Variants in USH2A observed in about 807,000 individuals in gnomAD.
USH2A encodes Usher syndrome 2A (autosomal recessive, mild).
In USH2A, 443 loss-of-function variants were observed where a neutral mutation model predicts 538.9. The ratio of observed to expected loss-of-function variants is 0.82; its 90% confidence interval spans 0.76 to 0.89. The LOEUF is 0.89. USH2A is among the 40% of genes least tolerant of loss of function. USH2A has a pLI of 0.00. For missense variants in USH2A, 6,633 were observed against 6,324.8 expected (o/e 1.05, Z -1.65); for synonymous variants, 2,413 against 2,273.5 (o/e 1.06, Z -1.75).
chr1:216,274,009 G>A (rs887079032), intron 11 of USH2A, among the ~76,000 whole-genome samples: 6 of 151,998 alleles, frequency 3.9e-5, no homozygotes, highest in African/African-American at 1.4e-4. Context: ...ATTAAAAGTC[G>A]CTAAAGTTAA....
At chr1:215,967,624 G>A (rs1327944779) in intron 36 of USH2A, among the ~76,000 whole-genome samples, 1 of 152,064 alleles carries the variant, frequency 6.6e-6, no homozygotes, top group Non-Finnish European at 1.5e-5. Flanking sequence ...TCCTAAGGGG[G>A]TATAGGGATT....
At chr1:215,682,339 A>G (rs1658262744) in intron 61 of USH2A, among the ~76,000 whole-genome samples, 1 of 152,184 alleles carries the variant, frequency 6.6e-6, no homozygotes. Context: ...TGGGCTATAA[A>G]GCAAAAACAT....
At chr1:216,409,709 A>T (rs1369285595) in intron 3 of USH2A, among the ~76,000 whole-genome samples, 1 of 152,130 alleles carries the variant, frequency 6.6e-6, no homozygotes, top group Non-Finnish European at 1.5e-5. Context: ...CCTTCCTTAT[A>T]CCATATATAA....
At chr1:216,372,011 T>C (rs1050988752) in intron 3 of USH2A, among the ~76,000 whole-genome samples, 3 of 152,206 alleles carry the variant, frequency 2.0e-5, no homozygotes, top group African/African-American at 7.2e-5. Context: ...ATACAAACAA[T>C]ATGAATAAGT....
chr1:215,626,265 A>ATATATATACTATATATTTTAGTG, intron 71 of USH2A, among the ~76,000 whole-genome samples: 1 of 149,844 alleles, frequency 6.7e-6, no homozygotes, highest in South Asian at 2.1e-4. Flanking sequence ...TAGACACTAC[A>ATATATATACTATATATTTTAGTG]TATATATACT....
intron 21 of USH2A, among the ~76,000 whole-genome samples, chr1:216,155,588 C>G (rs1323464085): frequency 1.3e-5 from 2 of 152,134 alleles, no homozygotes; most frequent in Non-Finnish European, 2.9e-5. Context: ...TCCCTAGCCC[C>G]TCTGCCCACT....
chr1:215,736,092 A>C (rs982411037), intron 60 of USH2A, among the ~76,000 whole-genome samples: 8 of 150,834 alleles, frequency 5.3e-5, no homozygotes, highest in Admixed American at 4.6e-4. Context: ...TCTGACTACA[A>C]ATGCCACACT....
At chr1:216,111,012 G>T (rs910179555) in intron 21 of USH2A, among the ~76,000 whole-genome samples, 6 of 152,144 alleles carry the variant, frequency 3.9e-5, no homozygotes, top group Admixed American at 3.9e-4. Context: ...GATCACTTTA[G>T]GTCAGGAGTT....
intron 21 of USH2A, among the ~76,000 whole-genome samples, chr1:216,123,349 C>A (rs2033174113): frequency 6.6e-6 from 1 of 152,174 alleles, no homozygotes; most frequent in Non-Finnish European, 1.5e-5. Context: ...GAAGCATTTG[C>A]TGATCAGGCA....
In USH2A at chr1:216,111,391, G is replaced by A. The variant is rs115456099; in HGVS notation, c.4628-14178C>T. On this transcript the variant is annotated intron_variant, in intron 21 of 71. Coordinates refer to ENST00000307340, the MANE Select transcript of USH2A (RefSeq NM_206933.4). ...TATCGCTAAGTTCTCCTTCTCCTTC[G>A]GATACATTAACCAAATCCATTGATC... Among the ~76,000 whole-genome samples, 317 of 152,146 alleles carry A rather than the reference G, an allele frequency of 2.1e-3. 1 individual carries two copies. Among genetic ancestry groups the A allele is most frequent in the African/African-American group, 7.0e-3 (291 of 41,520 alleles).
intron 4 of USH2A, among the ~76,000 whole-genome samples, chr1:216,338,168 T>C (rs573666662): frequency 1.3e-5 from 2 of 151,534 alleles, no homozygotes; most frequent in Non-Finnish European, 1.5e-5. Flanking sequence ...TAAAATTCAT[T>C]TGGAGGAGTA....
In USH2A at chr1:215,806,119, A is replaced by T. The variant is rs369663158; in HGVS notation, c.9740-6994T>A. Among the ~76,000 whole-genome samples the T allele has an allele frequency of 9.2e-5, 14 of 152,106 alleles. No homozygotes were observed. In the South Asian group the frequency reaches 2.7e-3, roughly 29 times the overall value. On this transcript the variant is annotated intron_variant, in intron 49 of 71. Transcript: ENST00000307340. ...GCAATTGTAAAAATAGAAGATTGAT[A>T]CTGGTGGTAGGTATATTATCTATCA...
rs149457304 is a variant in USH2A, at chr1:216,006,092, A to G, written c.6326-5530T>C. On this transcript the variant is annotated intron_variant, in intron 32 of 71. Coordinates refer to ENST00000307340, the MANE Select transcript of USH2A (RefSeq NM_206933.4). ...ATAATCCCTTTTTGGCAACTCTAAC[A>G]TCCTCAATAATGACTCATCTCTGAA... Among the ~76,000 whole-genome samples, 414 of 152,202 alleles carry G rather than the reference A, an allele frequency of 2.7e-3. 1 individual carries two copies. Among genetic ancestry groups the G allele is most frequent in the African/African-American group, 9.2e-3 (381 of 41,508 alleles).
chr1:215,951,268 G>T (rs1402479242), intron 37 of USH2A, among the ~76,000 whole-genome samples: 1 of 152,080 alleles, frequency 6.6e-6, no homozygotes, highest in East Asian at 1.9e-4. Flanking sequence ...TGTTCTCATT[G>T]GTTTCAAAGA....
intron 14 of USH2A, among the ~76,000 whole-genome samples, chr1:216,224,803 G>A (rs1021107912): frequency 2.6e-5 from 4 of 152,114 alleles, no homozygotes; most frequent in African/African-American, 9.7e-5. Context: ...ATAAGGAAGT[G>A]AGGTTATTTT....
At chr1:216,137,156 C>T (rs1007750262) in intron 21 of USH2A, among the ~76,000 whole-genome samples, 1 of 152,146 alleles carries the variant, frequency 6.6e-6, no homozygotes, top group Admixed American at 6.5e-5. Context: ...ATTGCTGACC[C>T]AATTCTTAGA....
intron 21 of USH2A, among the ~76,000 whole-genome samples, chr1:216,170,642 G>A (rs773936513): frequency 3.9e-5 from 6 of 152,044 alleles, no homozygotes; most frequent in Non-Finnish European, 8.8e-5. Flanking sequence ...TCATGGACCT[G>A]TTTTCGCTAA....
intron 9 of USH2A, among the ~76,000 whole-genome samples, chr1:216,294,401 A>C (rs1018927751): frequency 6.6e-6 from 1 of 152,020 alleles, no homozygotes; most frequent in Admixed American, 6.5e-5. Context: ...GTATTGTGTT[A>C]TTAAAAATCA....
At chr1:216,085,750 G>T (rs577383944) in intron 24 of USH2A, among the ~76,000 whole-genome samples, 1 of 150,366 alleles carries the variant, frequency 6.7e-6, no homozygotes, top group Non-Finnish European at 1.5e-5. Context: ...GTGTGTGTGT[G>T]TTTTAGAGGG....
Sources: allele counts gnomAD v4.1 joint callset (sites outside exome capture counted in the v4.1 genomes callset), GRCh38; gene constraint gnomAD v4.1.1; transcripts MANE v1.5; gene names NCBI Gene and HGNC (gene_info 2026-07-23, HGNC 2026-07-21).